NTRK3: variants seen among roughly 807,000 people sequenced by gnomAD.
NTRK3 encodes the protein NT-3 growth factor receptor.
A neutral mutation model predicts 91.7 loss-of-function variants in NTRK3; 24 were observed. The observed-to-expected ratio is 0.26, with a 90% CI of 0.19 to 0.37. NTRK3 has a LOEUF of 0.37. Among genes scored for constraint, NTRK3 ranks in the 10% least tolerant of loss-of-function variants. The pLI is 1.00. For missense variants in NTRK3, 880 were observed against 1,068.9 expected, an observed-to-expected ratio of 0.82 and a Z score of 2.46; for synonymous variants, 483 against 404.0, an observed-to-expected ratio of 1.20 and a Z score of -2.34.
chr15:88,056,175 C>CATAT (rs71462431), intron 13 of NTRK3, among the ~76,000 whole-genome samples: 13 of 57,244 alleles, frequency 2.3e-4, no homozygotes, highest in East Asian at 3.8e-4. Context: ...AGACTGTTTT[C>CATAT]ATATATATAT....
At chr15:87,982,718 T>C (rs537242558) in intron 14 of NTRK3, among the ~76,000 whole-genome samples, 2 of 152,200 alleles carry the variant, frequency 1.3e-5, no homozygotes, top group East Asian at 1.9e-4. Context: ...CAAGAGCTGG[T>C]TGAATCTCTA....
chr15:88,160,322 C>A (rs2044328568), intron 5 of NTRK3, among the ~76,000 whole-genome samples: 2 of 152,290 alleles, frequency 1.3e-5, no homozygotes, highest in East Asian at 1.9e-4. Context: ...GGGACCCATA[C>A]CCCTGGTTGC....
chr15:88,191,955 C>T (rs930709777), intron 3 of NTRK3, among the ~76,000 whole-genome samples: 1 of 152,198 alleles, frequency 6.6e-6, no homozygotes, highest in Non-Finnish European at 1.5e-5. Flanking sequence ...CGGCTTGTGC[C>T]GGTGACCCCA....
intron 14 of NTRK3, among the ~76,000 whole-genome samples, chr15:87,951,815 AC>A (rs2141117424): frequency 6.6e-6 from 1 of 152,234 alleles, no homozygotes; most frequent in South Asian, 2.1e-4. Flanking sequence ...GGGGTCCTTA[AC>A]CCTAAGGGTC....
chr15:88,028,303 A>G (rs4887348), intron 14 of NTRK3, among the ~76,000 whole-genome samples: 33,965 of 152,120 alleles, frequency 0.22, 4,281 homozygotes, highest in South Asian at 0.34. Flanking sequence ...CAGTGTTTCC[A>G]GTGCCTAAAA....
exon 7 of NTRK3, chr15:88,137,416 T>C (rs531943165): frequency 6.2e-6 from 10 of 1,613,904 alleles, no homozygotes; most frequent in Non-Finnish European, 5.1e-6. Flanking sequence ...CACTGACTGA[T>C]GTTCATGCGG....
rs186241179 is a variant in NTRK3, at chr15:87,946,419, G to A, written c.1586-5666C>T. Among the ~76,000 whole-genome samples the A allele has an allele frequency of 6.8e-4, 103 of 152,334 alleles. 1 individual carries two copies. The highest frequency in any genetic ancestry group is 5.7e-4 in the Non-Finnish European group (39 of 68,028). On this transcript the variant is annotated intron_variant, in intron 14 of 18. Coordinates refer to ENST00000394480, the Ensembl canonical transcript of NTRK3. The stretch of plus-strand genomic sequence containing the variant: ...CAGCAAATTCGGTCCCCAAAGGTGA[G>A]TGTGTGCACTCAGTCACACTCAGAT...
At chr15:88,055,250 G>T (rs146850734) in intron 13 of NTRK3, among the ~76,000 whole-genome samples, 358 of 152,274 alleles carry the variant, frequency 2.4e-3, no homozygotes, top group African/African-American at 8.0e-3. Flanking sequence ...GATTAAAGAA[G>T]ATCTGTGCCA....
At chr15:88,231,611 A>G (rs2141732147) in intron 3 of NTRK3, among the ~76,000 whole-genome samples, 1 of 152,280 alleles carries the variant, frequency 6.6e-6, no homozygotes, top group East Asian at 1.9e-4. Context: ...CCTCGATTTC[A>G]CTCAATGCGA....
chr15:88,207,755 A>G (rs2048918367), intron 3 of NTRK3, among the ~76,000 whole-genome samples: 1 of 152,174 alleles, frequency 6.6e-6, no homozygotes, highest in Non-Finnish European at 1.5e-5. Context: ...CGGAGCTATC[A>G]TCAGCATCAC....
At chr15:87,952,218 GAA>G (rs1217743050) in intron 14 of NTRK3, among the ~76,000 whole-genome samples, 8 of 145,748 alleles carry the variant, frequency 5.5e-5, no homozygotes, top group African/African-American at 2.1e-4. Context: ...AAGAAGAAAA[GAA>G]AAGAGAAAGA....
chr15:88,185,075 A>G (rs887699206), intron 3 of NTRK3, among the ~76,000 whole-genome samples: 2 of 152,188 alleles, frequency 1.3e-5, no homozygotes, highest in African/African-American at 4.8e-5. Context: ...AAAAGAGGAG[A>G]GTTGCACTGG....
chr15:88,168,612 A>T (rs571118386), intron 5 of NTRK3, among the ~76,000 whole-genome samples: 193 of 152,382 alleles, frequency 1.3e-3, no homozygotes, highest in African/African-American at 4.5e-3. Context: ...GCAAATGGAC[A>T]GCTGGCACAG....
intron 5 of NTRK3, among the ~76,000 whole-genome samples, chr15:88,183,127 T>A (rs557515652): frequency 6.6e-6 from 1 of 151,452 alleles, no homozygotes; most frequent in East Asian, 2.0e-4. Context: ...ATCATTTACG[T>A]TCCCATAAAA....
At chr15:87,910,853 A>G (rs1343985523) in intron 17 of NTRK3, among the ~76,000 whole-genome samples, 1 of 152,198 alleles carries the variant, frequency 6.6e-6, no homozygotes, top group South Asian at 2.1e-4. Context: ...TCATTCAACA[A>G]TAGTTCAGGA....
chr15:88,048,676 A>G (rs1406878518), intron 13 of NTRK3, among the ~76,000 whole-genome samples: 1 of 152,180 alleles, frequency 6.6e-6, no homozygotes, highest in African/African-American at 2.4e-5. Context: ...TTCTAAAGAA[A>G]ATGTCAAGAT....
chr15:88,137,634 A>T, intron 6 of NTRK3, 73 bp from the exon 7 acceptor site: 1 of 1,520,214 alleles, frequency 6.6e-7, no homozygotes, highest in East Asian at 2.3e-5. Flanking sequence ...GGCTATGAGG[A>T]CAAGGGGGAC....
chr15:88,033,193 T>TAC lies in NTRK3; in HGVS notation c.1397-149_1397-148insGT, dbSNP rs1423923909. The TAC allele has an allele frequency of 3.0e-5, 4 of 131,688 alleles. No individual in the cohort carries two copies. In the East Asian group the frequency reaches 5.7e-4, roughly 19 times the overall value. 8.2% of individuals were successfully genotyped at this position (131,688 alleles called of 1,614,324 possible). On this transcript the variant is annotated intron_variant, in intron 13 of 18. Transcript: ENST00000394480. ...GGGGTGTGTTATATATATATATATA[T>TAC]ATATATATATATATATATATATAAA...
rs564611093 is a variant in NTRK3 at position 87,916,944 on chromosome 15, A to G, written c.2133+12247T>C. Among the ~76,000 whole-genome samples, 32 of 152,244 alleles carry G rather than the reference A, an allele frequency of 2.1e-4. 1 individual carries two copies. The East Asian group carries it at 5.0e-3, about 24-fold the overall frequency. On this transcript the variant is annotated intron_variant, in intron 17 of 18. Coordinates refer to ENST00000394480, the Ensembl canonical transcript of NTRK3. ...TGCCCAGCTAATTTTTCATATTTTC[A>G]GTAGAGACAAGGTTTTGCCATGTTG...
Sources: gnomAD v4.1 joint callset for allele counts (sites outside exome capture counted in the v4.1 genomes callset) on GRCh38, gnomAD v4.1.1 for gene constraint, MANE v1.5 for transcripts, NCBI Gene and HGNC (gene_info 2026-07-23, HGNC 2026-07-21) for gene names.